The following REX1BD variants were observed in gnomAD, a reference collection of about 807,000 sequenced individuals.
REX1BD encodes the protein required for excision 1-B domain containing.
In REX1BD, 22 loss-of-function variants were observed where a neutral mutation model predicts 24.4. That is an observed-to-expected ratio of 0.90 (90% confidence interval 0.64 to 1.29). The LOEUF (loss-of-function observed/expected upper bound fraction) is 1.29, where lower values mean the gene tolerates loss of function less well. Among genes scored for constraint, REX1BD ranks in the 50% most tolerant of loss-of-function variants. REX1BD has a pLI of 0.00. For synonymous variants in REX1BD, 146 were observed against 125.9 expected, an observed-to-expected ratio of 1.16 and a Z score of -1.07; for missense variants, 293 against 285.3, an observed-to-expected ratio of 1.03 and a Z score of -0.19.
chr19:18,591,016 C>T (rs926498843), intron 4 of REX1BD, 83 bp downstream of exon 4: 2 of 1,273,000 alleles, frequency 1.6e-6, no homozygotes, highest in African/African-American at 1.5e-5. Context: ...GCAGAGGAAC[C>T]CTCTGCCAGT....
Position 18,590,877 on chromosome 19 carries a change from G to A in REX1BD, c.477G>A (p.Glu159=). 6.2e-7 allele frequency: 1 copy of A among 1,606,536 alleles called. No homozygotes were observed. Among genetic ancestry groups the A allele is most frequent in the Non-Finnish European group, 8.5e-7 (1 of 1,177,030 alleles). Reference sequence around the variant, plus strand: ...AGGTGGCCCTGCTGCAGTTGATGGAGACGCCAGAGCTGGCGGGGCAGGAGG... The same window carrying A: ...AGGTGGCCCTGCTGCAGTTGATGGAAACGCCAGAGCTGGCGGGGCAGGAGG... ...LGTVALLQLM[E]TPELAGQEDA... Residue 159 remains glutamate, a synonymous_variant, in exon 4 of 5, where the codon GAG becomes GAA. Transcript: ENST00000358607.
chr19:18,589,462 G>A lies in REX1BD; in HGVS notation c.232G>A (p.Val78Ile). The A allele has an allele frequency of 1.9e-6, 3 of 1,557,284 alleles. No individual in the cohort carries two copies. Among genetic ancestry groups the A allele is most frequent in the Non-Finnish European group, 2.6e-6 (3 of 1,151,790 alleles). The change falls in exon 3 of 5, where the codon GTC becomes ATC. Residue 78 changes from valine (V) to isoleucine (I), a missense_variant. Transcript: ENST00000358607. ...GAGAGCCTGGGGGCGCGGCCTCAGG[G>A]TCCCCACATGCCGCAGAGGCCACCG... is the stretch of plus-strand genomic sequence containing the variant. Reference protein sequence around the residue: ...GLRAWGRGLRVPTCRRGHRQY... With the variant: ...GLRAWGRGLRIPTCRRGHRQY...
intron 2 of REX1BD, 21 bp from the exon 3 acceptor site, chr19:18,589,392 C>G (rs1326621007): frequency 6.4e-7 from 1 of 1,555,912 alleles, no homozygotes; most frequent in East Asian, 2.4e-5. Flanking sequence ...TGTCTGGGGA[C>G]ACTTCCTGGG....
rs150088014 is a variant in REX1BD at position 18,590,801 on chromosome 19, G to T, written c.454-53G>T. Reference sequence around the variant, plus strand: ...TTTCCTGAACATCCTTGGAGGGCAGGGGGTGGGTTCTGCTCGTGGAGACAT... The same window carrying T: ...TTTCCTGAACATCCTTGGAGGGCAGTGGGTGGGTTCTGCTCGTGGAGACAT... On this transcript the variant is annotated intron_variant, in intron 3 of 4. Coordinates refer to ENST00000358607, the MANE Select transcript of REX1BD (RefSeq NM_001100418.2). The T allele has an allele frequency of 7.8e-6, 12 of 1,536,030 alleles. 1 individual carries two copies. The African/African-American group carries it at 9.6e-5, about 12-fold the overall frequency.
At position 18,589,866 on chromosome 19, in the gene REX1BD, C is replaced by T. The variant is rs111421710; in HGVS notation, c.453+183C>T. The T allele has an allele frequency of 2.0e-4, 186 of 922,200 alleles. 4 individuals carry two copies. The African/African-American group carries it at 2.1e-3, about 10-fold the overall frequency. The allele number at this position is 922,200 out of a possible 1,614,324, so 57.1% of individuals were successfully genotyped here. A position where few individuals can be genotyped will look rare whatever the true frequency, so the allele number is the denominator to read the frequency against. ...TCGGACCTTGCCCTCTGCTGTTCATCCCCAATTTTTTTCCCAAGTTTTGTC... is the reference window on the plus strand; with the variant it reads ...TCGGACCTTGCCCTCTGCTGTTCATTCCCAATTTTTTTCCCAAGTTTTGTC... On this transcript the variant is annotated intron_variant, in intron 3 of 4. Coordinates refer to ENST00000358607, the MANE Select transcript of REX1BD (RefSeq NM_001100418.2).
At chr19:18,590,211 G>GTTTTTTTTTTTTTTT (rs372846586) in intron 3 of REX1BD, 6 of 73,292 alleles carry the variant, frequency 8.2e-5, no homozygotes, top group African/African-American at 3.5e-4. Flanking sequence ...TTTTCTTTCT[G>GTTTTTTTTTTTTTTT]GTGTTTTTTT....
At position 18,589,000 on chromosome 19, in the gene REX1BD, C is replaced by T; in HGVS notation, c.105C>T (p.Asp35=). Residue 35 remains aspartate (D), a synonymous_variant, in exon 2 of 5, where the codon GAC becomes GAT. Coordinates refer to ENST00000358607, the MANE Select transcript of REX1BD (RefSeq NM_001100418.2). ...GREEPAWPWK[D]APIRTLVQRI... Reference sequence around the variant, plus strand: ...CCGTGCCCCCTGTCCCGCAGAAAGACGCCCCGATCCGGACGCTGGTGCAGC... The same window carrying T: ...CCGTGCCCCCTGTCCCGCAGAAAGATGCCCCGATCCGGACGCTGGTGCAGC... 1 of 1,527,496 alleles carries T rather than the reference C, an allele frequency of 6.5e-7. No homozygotes were observed. Among genetic ancestry groups the T allele is most frequent in the Non-Finnish European group, 8.7e-7 (1 of 1,143,804 alleles). 94.6% of individuals were successfully genotyped at this position (1,527,496 alleles called of 1,614,324 possible).
In REX1BD at chr19:18,592,329, T is replaced by G; in HGVS notation, c.*149T>G. The G allele has an allele frequency of 2.4e-6, 2 of 823,710 alleles. No homozygotes were observed. The highest frequency in any genetic ancestry group is 3.9e-6 in the Non-Finnish European group (2 of 516,368). 51.0% of individuals were successfully genotyped at this position (823,710 alleles called of 1,614,324 possible). On this transcript the variant is annotated 3_prime_UTR_variant, in exon 5 of 5. Coordinates refer to ENST00000358607, the MANE Select transcript of REX1BD (RefSeq NM_001100418.2). ...GACACCTCCCACAATAAAGAGCTCC[T>G]CCTCTGTAGCCGCTCTGCCATCTCT...
At chr19:18,591,695 TG>T (rs1462543710) in intron 4 of REX1BD, 1 of 193,206 alleles carries the variant, frequency 5.2e-6, no homozygotes, top group African/African-American at 2.3e-5. Context: ...GGTGCGGTCT[TG>T]GCTTACCGTA....
At chr19:18,589,973 T>C in intron 3 of REX1BD, 1 of 416,936 alleles carries the variant, frequency 2.4e-6, no homozygotes, top group Non-Finnish European at 4.2e-6. Context: ...CCAACAATGC[T>C]CCACCCACTC....
Position 18,590,847 on chromosome 19 carries a change from C to A in REX1BD, c.454-7C>A. 6.2e-7 allele frequency: 1 copy of A among 1,603,052 alleles called. No homozygotes were observed. The highest frequency in any genetic ancestry group is 1.1e-5 in the South Asian group (1 of 88,996). ...GACATCCTTCGTGTTGCTCATTCCC[C>A]CACCAGGTGGCCCTGCTGCAGTTGA... On this transcript the variant is annotated splice_polypyrimidine_tract_variant and splice_region_variant and intron_variant, in intron 3 of 4. Coordinates refer to ENST00000358607, the MANE Select transcript of REX1BD (RefSeq NM_001100418.2).
At position 18,589,448 on chromosome 19, in the gene REX1BD, G is replaced by T. The variant is rs1280533446; in HGVS notation, c.218G>T (p.Gly73Val). 3 of 1,558,454 alleles carry T rather than the reference G, an allele frequency of 1.9e-6. No individual in the cohort carries two copies. The highest frequency in any genetic ancestry group is 2.6e-6 in the Non-Finnish European group (3 of 1,151,828). Residue 73 changes from glycine (G) to valine (V), a missense_variant, in exon 3 of 5, where the codon GGG becomes GTG. Transcript: ENST00000358607. ...LAPVQGLRAW[G>V]RGLRVPTCRR... is the part of the protein sequence containing the mutation. ...CCGGTGCAGGGCCTGAGAGCCTGGG[G>T]GCGCGGCCTCAGGGTCCCCACATGC...
Position 18,590,844 on chromosome 19 carries a change from C to A in REX1BD, c.454-10C>A. 6.2e-7 allele frequency: 1 copy of A among 1,601,528 alleles called. No homozygotes were observed. Among genetic ancestry groups the A allele is most frequent in the Non-Finnish European group, 8.5e-7 (1 of 1,174,602 alleles). On this transcript the variant is annotated splice_polypyrimidine_tract_variant and intron_variant, in intron 3 of 4. Coordinates refer to ENST00000358607, the MANE Select transcript of REX1BD (RefSeq NM_001100418.2). Reference sequence around the variant, plus strand: ...GGAGACATCCTTCGTGTTGCTCATTCCCCCACCAGGTGGCCCTGCTGCAGT... The same window carrying A: ...GGAGACATCCTTCGTGTTGCTCATTACCCCACCAGGTGGCCCTGCTGCAGT...
intron 3 of REX1BD, 113 bp downstream of exon 3, chr19:18,589,796 TC>T (rs1976000768): frequency 7.4e-7 from 1 of 1,353,212 alleles, no homozygotes; most frequent in Non-Finnish European, 9.6e-7. Context: ...CCTCACCCCT[TC>T]CTGTCCCACC....
chr19:18,589,040 C>T lies in REX1BD; in HGVS notation c.145C>T (p.Gln49Ter), dbSNP rs1975977379. 2 of 1,526,006 alleles carry T rather than the reference C, an allele frequency of 1.3e-6. No individual in the cohort carries two copies. The highest frequency in any genetic ancestry group is 1.4e-5 in the African/African-American group (1 of 72,732). The allele number at this position is 1,526,006 out of a possible 1,614,324, so 94.5% of individuals were successfully genotyped here. A position where few individuals can be genotyped will look rare whatever the true frequency, so the allele number is the denominator to read the frequency against. ...GCTGGTGCAGCGCATCCACCAGCTG[C>T]AGGCTGAGCGCGCGCAGGGCTTCCG... ...RTLVQRIHQL[Q>*]AERAQGFRRL... Residue 49 changes from glutamine (Q) to a stop codon, truncating the protein, a stop_gained, in exon 2 of 5, where the codon CAG (glutamine) becomes TAG (stop). Transcript: ENST00000358607. LOFTEE classifies it high-confidence loss of function.
chr19:18,589,225 T>C, intron 2 of REX1BD, 148 bp downstream of exon 2: 1 of 1,521,108 alleles, frequency 6.6e-7, no homozygotes, highest in South Asian at 1.2e-5. Context: ...CACCGGGTCC[T>C]CACCTTCACG....
intron 2 of REX1BD, 51 bp downstream of exon 2, chr19:18,589,128 G>T (rs1482406147): frequency 6.8e-7 from 1 of 1,465,054 alleles, no homozygotes; most frequent in South Asian, 1.4e-5. Flanking sequence ...CCCGCTCCGG[G>T]CGTGGGCGTG....
At chr19:18,588,951 A>T (rs1975974779) in intron 1 of REX1BD, 44 bp from the exon 2 acceptor site, 2 of 1,523,656 alleles carry the variant, frequency 1.3e-6, no homozygotes. Context: ...GCGCAGACCC[A>T]GGGGCGCGGG....
At chr19:18,590,715 T>A (rs1193617463) in intron 3 of REX1BD, 139 bp from the exon 4 acceptor site, 1 of 736,794 alleles carries the variant, frequency 1.4e-6, no homozygotes, top group Admixed American at 2.6e-5. Flanking sequence ...GGACTCTTCC[T>A]ACACAAAGCA....
Sources: allele counts gnomAD v4.1 joint callset, GRCh38; gene constraint gnomAD v4.1.1; transcripts MANE v1.5; gene names NCBI Gene and HGNC (gene_info 2026-07-23, HGNC 2026-07-21).